Variants in RPSA2 observed in about 807,000 individuals in gnomAD.
The protein encoded by RPSA2 is small ribosomal subunit protein uS2B.
chr19:23,832,818 T>C, the RPSA2 span: 3 of 1,578,134 alleles, frequency 1.9e-6, no homozygotes, highest in Non-Finnish European at 2.6e-6. Flanking sequence ...GTGAAGAATG[T>C]GGCAAAGCTT....
At chr19:23,790,244 G>A in the RPSA2 span, among the ~76,000 whole-genome samples, 2 of 151,990 alleles carry the variant, frequency 1.3e-5, no homozygotes, top group East Asian at 3.9e-4. Flanking sequence ...TGATCCACCC[G>A]CCTAGGCTTC....
chr19:23,783,238 G>A, the RPSA2 span, among the ~76,000 whole-genome samples: 1 of 151,930 alleles, frequency 6.6e-6, no homozygotes, highest in Non-Finnish European at 1.5e-5. Flanking sequence ...TGGAATTACA[G>A]GCATGCACCA....
chr19:23,761,906 T>TCTCTCTCTCTCTC, the RPSA2 span, among the ~76,000 whole-genome samples: 60 of 92,114 alleles, frequency 6.5e-4, 8 homozygotes, highest in Non-Finnish European at 7.9e-4. Context: ...ACGTAATTCT[T>TCTCTCTCTCTCTC]TCTTTCTTTC....
the RPSA2 span, among the ~76,000 whole-genome samples, chr19:23,853,987 G>T: frequency 0.097 from 14,720 of 152,210 alleles, 982 homozygotes; most frequent in South Asian, 0.18. Flanking sequence ...GTTTGGTGCA[G>T]GTGGACCATT....
At chr19:23,785,507 A>C in the RPSA2 span, among the ~76,000 whole-genome samples, 1 of 152,136 alleles carries the variant, frequency 6.6e-6, no homozygotes, top group Non-Finnish European at 1.5e-5. Context: ...TCTTTCTTGC[A>C]TGGCCTTTTA....
chr19:23,835,587 G>A, the RPSA2 span, among the ~76,000 whole-genome samples: 13 of 148,868 alleles, frequency 8.7e-5, no homozygotes, highest in African/African-American at 1.7e-4. Flanking sequence ...TGCTAGTCCC[G>A]TAATATTCTT....
At chr19:23,867,306 T>G in the RPSA2 span, among the ~76,000 whole-genome samples, 5 of 152,242 alleles carry the variant, frequency 3.3e-5, no homozygotes, top group Non-Finnish European at 7.3e-5. Context: ...GATTTTACCT[T>G]GTCTTGGTCC....
chr19:23,766,899 C>T, the RPSA2 span, among the ~76,000 whole-genome samples: 1 of 151,894 alleles, frequency 6.6e-6, no homozygotes, highest in Admixed American at 6.6e-5. Context: ...GCTGGGATTA[C>T]AAGCGCCTGC....
chr19:23,797,609 G>A, the RPSA2 span, among the ~76,000 whole-genome samples: 1 of 152,322 alleles, frequency 6.6e-6, no homozygotes, highest in Admixed American at 6.5e-5. Context: ...ATTTGGTCAA[G>A]TGTTGAGTTT....
chr19:23,835,479 C>T, the RPSA2 span, among the ~76,000 whole-genome samples: 5 of 152,140 alleles, frequency 3.3e-5, no homozygotes, highest in African/African-American at 1.2e-4. Flanking sequence ...CAAATCTATG[C>T]TCTCTGCTTT....
chr19:23,835,822 C>G, the RPSA2 span, among the ~76,000 whole-genome samples: 1 of 151,888 alleles, frequency 6.6e-6, no homozygotes, highest in African/African-American at 2.4e-5. Context: ...TCACTACAGA[C>G]AGTGTTTCAC....
the RPSA2 span, among the ~76,000 whole-genome samples, chr19:23,775,888 G>C: frequency 6.6e-6 from 1 of 152,302 alleles, no homozygotes; most frequent in South Asian, 2.1e-4. Flanking sequence ...GGTATATACA[G>C]GATTGTTAAT....
chr19:23,848,822 C>T, the RPSA2 span, among the ~76,000 whole-genome samples: 1 of 152,176 alleles, frequency 6.6e-6, no homozygotes, highest in Non-Finnish European at 1.5e-5. Context: ...GTGGAATTGG[C>T]TTGCCAATCA....
the RPSA2 span, among the ~76,000 whole-genome samples, chr19:23,761,913 T>TTCCC: frequency 9.8e-5 from 3 of 30,740 alleles, no homozygotes; most frequent in African/African-American, 2.8e-4. Context: ...TCTTTCTTTC[T>TTCCC]TTCTTTCTTT....
chr19:23,809,659 T>C, the RPSA2 span: 1 of 152,140 alleles, frequency 6.6e-6, no homozygotes, highest in South Asian at 2.1e-4. Flanking sequence ...CCGTTTGTTT[T>C]AAGTGTATGG....
the RPSA2 span, among the ~76,000 whole-genome samples, chr19:23,868,128 C>T: frequency 6.6e-6 from 1 of 152,178 alleles, no homozygotes. Flanking sequence ...CAAATTAAAC[C>T]AATGGGTGCA....
chr19:23,834,409 G>A, the RPSA2 span, among the ~76,000 whole-genome samples: 6 of 151,896 alleles, frequency 4.0e-5, no homozygotes, highest in Admixed American at 2.0e-4. Flanking sequence ...TATTAGGTAA[G>A]CATTACTTAT....
At chr19:23,829,378 C>T in the RPSA2 span, among the ~76,000 whole-genome samples, 14 of 152,050 alleles carry the variant, frequency 9.2e-5, 1 homozygote, top group East Asian at 1.9e-4. Flanking sequence ...CTTGGCTCAC[C>T]GCAATCTCCG....
the RPSA2 span, among the ~76,000 whole-genome samples, chr19:23,821,480 C>T: frequency 6.6e-6 from 1 of 152,174 alleles, no homozygotes; most frequent in Non-Finnish European, 1.5e-5. Flanking sequence ...GGTCTGCCTC[C>T]CAGAGGAGGG....
Sources: allele counts gnomAD v4.1 joint callset (sites outside exome capture counted in the v4.1 genomes callset), GRCh38; gene constraint gnomAD v4.1.1; transcripts MANE v1.5; gene names NCBI Gene and HGNC (gene_info 2026-07-23, HGNC 2026-07-21).